The following MAPK10 variants were observed in gnomAD, a reference collection of about 807,000 sequenced individuals.
MAPK10 encodes the protein mitogen-activated protein kinase 10.
In MAPK10, 25 loss-of-function variants were observed where a neutral mutation model predicts 59.3. The observed-to-expected ratio is 0.42, with a 90% confidence interval of 0.31 to 0.59. The LOEUF (loss-of-function observed/expected upper bound fraction) is 0.59, where lower values mean the gene tolerates loss of function less well. Among genes scored for constraint, MAPK10 ranks in the 20% least tolerant of loss-of-function variants. The probability of loss-of-function intolerance (pLI) is 0.15; values close to 1 mark genes in which losing one functional copy is unlikely to be tolerated. For synonymous variants in MAPK10, 190 were observed against 200.5 expected (o/e 0.95, Z 0.44); for missense variants, 351 against 568.9 (o/e 0.62, Z 3.90).
chr4:86,196,133 G>A (rs1475309437), intron 2 of MAPK10, among the ~76,000 whole-genome samples: 2 of 152,180 alleles, frequency 1.3e-5, no homozygotes, highest in Non-Finnish European at 2.9e-5. Flanking sequence ...AGATCCTTGA[G>A]GAATTGCCAC....
At chr4:86,484,745 TA>T (rs141699617) in intron 1 of MAPK10, among the ~76,000 whole-genome samples, 48,232 of 151,460 alleles carry the variant, frequency 0.32, 7,953 homozygotes, top group Admixed American at 0.38. Flanking sequence ...TTTACAGATT[TA>T]AAAAAAAACT....
intron 1 of MAPK10, among the ~76,000 whole-genome samples, chr4:86,506,465 A>T (rs546798600): frequency 6.6e-6 from 1 of 152,276 alleles, no homozygotes; most frequent in Non-Finnish European, 1.5e-5. Flanking sequence ...TAATGTGATT[A>T]CACACTGCAT....
At chr4:86,423,757 T>A (rs1746837767) in intron 1 of MAPK10, among the ~76,000 whole-genome samples, 1 of 104,476 alleles carries the variant, frequency 9.6e-6, no homozygotes, top group African/African-American at 4.0e-5. Context: ...AAGTAATTAG[T>A]GGGATATATA....
At chr4:86,226,208 CAT>C (rs1216411843) in intron 2 of MAPK10, among the ~76,000 whole-genome samples, 2 of 152,164 alleles carry the variant, frequency 1.3e-5, no homozygotes, top group Non-Finnish European at 2.9e-5. Flanking sequence ...TTTTATAGAA[CAT>C]AAATCTAAGT....
intron 1 of MAPK10, among the ~76,000 whole-genome samples, chr4:86,499,131 G>C (rs917491410): frequency 6.6e-6 from 1 of 152,174 alleles, no homozygotes; most frequent in Non-Finnish European, 1.5e-5. Context: ...CCATTACTAT[G>C]CTTTCAAACT....
chr4:86,482,398 G>A (rs1753676037), intron 1 of MAPK10, among the ~76,000 whole-genome samples: 1 of 152,126 alleles, frequency 6.6e-6, no homozygotes, highest in African/African-American at 2.4e-5. Context: ...ATGAAATGCT[G>A]TGTTAAGTCA....
chr4:86,479,828 A>C (rs946735793), intron 1 of MAPK10, among the ~76,000 whole-genome samples: 8 of 152,164 alleles, frequency 5.3e-5, no homozygotes, highest in East Asian at 3.9e-4. Context: ...CATCACCAAT[A>C]ATTCTATAAG....
intron 2 of MAPK10, among the ~76,000 whole-genome samples, chr4:86,271,224 T>A (rs2094425036): frequency 6.6e-6 from 1 of 151,976 alleles, no homozygotes; most frequent in South Asian, 2.1e-4. Flanking sequence ...GTGTGTGTGA[T>A]ATGGTATTTC....
chr4:86,578,809 C>T (rs1457905223), intron 1 of MAPK10, among the ~76,000 whole-genome samples: 1 of 151,562 alleles, frequency 6.6e-6, no homozygotes, highest in Non-Finnish European at 1.5e-5. Flanking sequence ...CGTCTTGCAC[C>T]TCAAGTTCCA....
chr4:86,576,957 C>T (rs947023997), intron 1 of MAPK10, among the ~76,000 whole-genome samples: 2 of 152,142 alleles, frequency 1.3e-5, no homozygotes, highest in South Asian at 4.2e-4. Flanking sequence ...GACAATAGAG[C>T]GCTGCTTTTA....
At chr4:86,527,397 A>G (rs1012579547) in intron 1 of MAPK10, among the ~76,000 whole-genome samples, 1 of 151,898 alleles carries the variant, frequency 6.6e-6, no homozygotes, top group South Asian at 2.1e-4. Flanking sequence ...ATGGCCAAGA[A>G]ACATGAAAAA....
At chr4:86,563,926 T>C (rs1760871582) in intron 1 of MAPK10, among the ~76,000 whole-genome samples, 1 of 152,170 alleles carries the variant, frequency 6.6e-6, no homozygotes, top group Non-Finnish European at 1.5e-5. Context: ...CCACCTTCCG[T>C]ATTCAAGCGA....
chr4:86,068,834 C>T (rs1156715733), intron 9 of MAPK10, among the ~76,000 whole-genome samples: 1 of 152,062 alleles, frequency 6.6e-6, no homozygotes, highest in Non-Finnish European at 1.5e-5. Flanking sequence ...TTCGATATAT[C>T]AGAGCCTTGA....
chr4:86,504,411 T>G (rs559172363), intron 1 of MAPK10, among the ~76,000 whole-genome samples: 1 of 152,284 alleles, frequency 6.6e-6, no homozygotes, highest in East Asian at 1.9e-4. Context: ...GATTATTGTC[T>G]GTAAACTAAA....
intron 4 of MAPK10, among the ~76,000 whole-genome samples, chr4:86,149,869 C>G (rs2065968866): frequency 6.6e-6 from 1 of 152,150 alleles, no homozygotes; most frequent in Non-Finnish European, 1.5e-5. Context: ...TTTCACAGCC[C>G]TCAGTATGTT....
At chr4:86,397,260 C>T (rs376348181) in intron 1 of MAPK10, among the ~76,000 whole-genome samples, 126 of 152,160 alleles carry the variant, frequency 8.3e-4, no homozygotes, top group African/African-American at 2.5e-3. Context: ...TGAGAACCTG[C>T]GTCAGGTTCT....
chr4:86,091,952 A>G (rs569847069), intron 9 of MAPK10, among the ~76,000 whole-genome samples: 44 of 152,222 alleles, frequency 2.9e-4, no homozygotes, highest in Middle Eastern at 3.4e-3. Flanking sequence ...GATTACAGGC[A>G]TGAGACACCA....
chr4:86,467,184 C>T (rs1752275782), intron 1 of MAPK10, among the ~76,000 whole-genome samples: 2 of 152,196 alleles, frequency 1.3e-5, no homozygotes, highest in East Asian at 1.9e-4. Context: ...TGTATTGAAG[C>T]GGGCCTCACA....
intron 2 of MAPK10, 137 bp from the exon 3 acceptor site, chr4:86,194,544 C>A: frequency 1.6e-6 from 1 of 613,894 alleles, no homozygotes; most frequent in East Asian, 2.7e-5. Context: ...TTATCTTGAC[C>A]TGTACTATAC....
Sources: allele counts gnomAD v4.1 joint callset (sites outside exome capture counted in the v4.1 genomes callset), GRCh38; gene constraint gnomAD v4.1.1; transcripts MANE v1.5; gene names NCBI Gene and HGNC (gene_info 2026-07-23, HGNC 2026-07-21).